Variants in TMEM232 observed in about 807,000 individuals in gnomAD.
The protein encoded by TMEM232 is transmembrane protein 232.
In TMEM232, 80 loss-of-function variants were observed where a neutral mutation model predicts 78.8. The ratio of observed to expected loss-of-function variants is 1.01; its 90% confidence interval spans 0.85 to 1.22. TMEM232 has a LOEUF of 1.22. Among genes scored for constraint, TMEM232 ranks in the 50% most tolerant of loss-of-function variants. The pLI, the probability that TMEM232 is intolerant of heterozygous loss-of-function variation, is 0.00. For missense variants in TMEM232, 881 were observed against 742.2 expected (o/e 1.19, Z -2.17); for synonymous variants, 297 against 254.3 (o/e 1.17, Z -1.60).
chr5:110,490,971 A>T (rs1248725457), intron 12 of TMEM232, among the ~76,000 whole-genome samples: 1 of 152,126 alleles, frequency 6.6e-6, no homozygotes, highest in Non-Finnish European at 1.5e-5. Context: ...ACACAAAATA[A>T]ATAAATTTCA....
intron 1 of TMEM232, among the ~76,000 whole-genome samples, chr5:110,687,600 T>A (rs908181919): frequency 1.1e-4 from 17 of 152,130 alleles, no homozygotes; most frequent in Non-Finnish European, 2.2e-4. Context: ...AAGGTTTGAG[T>A]ATATGCTTTA....
rs374219408 is a variant in TMEM232, at chr5:110,520,050, T to TATATAGAGAGAG, written c.1703+8537_1703+8538insCTCTCTCTATAT. Among the ~76,000 whole-genome samples the TATATAGAGAGAG allele has an allele frequency of 1.2e-3, 176 of 147,260 alleles. 1 individual carries two copies. Among genetic ancestry groups the TATATAGAGAGAG allele is most frequent in the African/African-American group, 3.7e-3 (148 of 39,892 alleles). On this transcript the variant is annotated intron_variant, in intron 12 of 13. Transcript: ENST00000455884. ...TTATATATTTATGTATATATATATATAGAGAGAGAGAGAGAGAGGATTAGG... is the reference window on the plus strand; with the variant it reads ...TTATATATTTATGTATATATATATATATATAGAGAGAGAGAGAGAGAGAGAGAGAGGATTAGG...
intron 12 of TMEM232, among the ~76,000 whole-genome samples, chr5:110,478,223 G>C (rs1010562385): frequency 6.6e-6 from 1 of 151,876 alleles, no homozygotes; most frequent in South Asian, 2.1e-4. Flanking sequence ...TATATACTAT[G>C]TAAATCAATC....
chr5:110,618,386 G>T (rs776528569), intron 8 of TMEM232, 43 bp downstream of exon 8: 3 of 1,543,556 alleles, frequency 1.9e-6, no homozygotes, highest in Non-Finnish European at 2.6e-6. Context: ...TAAGCACAAA[G>T]ATTTCTCCAT....
chr5:110,689,442 C>T (rs1023620228), intron 1 of TMEM232, among the ~76,000 whole-genome samples: 1 of 151,956 alleles, frequency 6.6e-6, no homozygotes, highest in Non-Finnish European at 1.5e-5. Flanking sequence ...CTGTAATCAA[C>T]ACAAAACACT....
chr5:110,692,452 T>C (rs1794242991), intron 1 of TMEM232, among the ~76,000 whole-genome samples: 1 of 152,044 alleles, frequency 6.6e-6, no homozygotes, highest in Non-Finnish European at 1.5e-5. Flanking sequence ...GGACAGTGGG[T>C]GCAGGAGAGT....
At chr5:110,461,898 G>A (rs1003831510) in intron 12 of TMEM232, among the ~76,000 whole-genome samples, 8 of 152,100 alleles carry the variant, frequency 5.3e-5, no homozygotes, top group East Asian at 1.9e-4. Flanking sequence ...AAAAAAAAAT[G>A]TATTTCAAAA....
intron 1 of TMEM232, among the ~76,000 whole-genome samples, chr5:110,719,215 A>G (rs1032324806): frequency 2.0e-5 from 3 of 151,854 alleles, no homozygotes; most frequent in Admixed American, 6.6e-5. Flanking sequence ...ATGTGTATAT[A>G]TGTATATATG....
At position 110,514,740 on chromosome 5, in the gene TMEM232, C is replaced by T. The variant is rs140209695; in HGVS notation, c.1703+13848G>A. On this transcript the variant is annotated intron_variant, in intron 12 of 13. Coordinates refer to ENST00000455884, the MANE Select transcript of TMEM232 (RefSeq NM_001039763.4). ...ATTTTACTTAGGCATCCTAGGGGCA[C>T]GGTCAAGCCCAGACAATATTAAGTT... Among the ~76,000 whole-genome samples, 25 of 151,138 alleles carry T rather than the reference C, an allele frequency of 1.7e-4. No individual in the cohort carries two copies. The East Asian group carries it at 3.1e-3, about 19-fold the overall frequency.
chr5:110,587,715 G>A (rs1779023358), intron 10 of TMEM232, among the ~76,000 whole-genome samples: 1 of 141,978 alleles, frequency 7.0e-6, no homozygotes, highest in Non-Finnish European at 1.5e-5. Context: ...GTGTGTGTGT[G>A]TGTGTGTGTG....
chr5:110,455,808 A>C (rs57353550), intron 12 of TMEM232, among the ~76,000 whole-genome samples: 2 of 152,198 alleles, frequency 1.3e-5, no homozygotes, highest in African/African-American at 4.8e-5. Context: ...ACATTGAAAA[A>C]ATCAATCATA....
At position 110,401,992 on chromosome 5, in the gene TMEM232, C is replaced by T. The variant is rs112272675; in HGVS notation, n.309-4138G>A. 9.5e-3 allele frequency among the ~76,000 whole-genome samples: 1,448 copies of T among 152,112 alleles called. 10 individuals are homozygous for T. Among genetic ancestry groups the T allele is most frequent in the Non-Finnish European group, 0.014 (972 of 67,960 alleles). ...GTTTCAGTTGTTACCTGTCATTGCA[C>T]TGGCACTGGTGTTTTCCTTAGTGGA... On this transcript the variant is annotated intron_variant and non_coding_transcript_variant, in intron 2 of 8. Coordinates refer to the TMEM232 transcript ENST00000507188.
intron 1 of TMEM232, among the ~76,000 whole-genome samples, chr5:110,700,766 GTAGGTAGA>G (rs1158998252): frequency 2.4e-5 from 3 of 126,074 alleles, no homozygotes; most frequent in Non-Finnish European, 5.2e-5. Context: ...AGGTAGGTAG[GTAGGTAGA>G]TAGATAGATA....
chr5:110,477,576 C>A (rs1003411995), intron 12 of TMEM232, among the ~76,000 whole-genome samples: 2 of 151,500 alleles, frequency 1.3e-5, no homozygotes, highest in Admixed American at 1.3e-4. Context: ...TCAATCACAC[C>A]GTCCTTTCAT....
chr5:110,667,024 T>C (rs567766822), intron 2 of TMEM232, among the ~76,000 whole-genome samples: 33 of 152,226 alleles, frequency 2.2e-4, no homozygotes, highest in South Asian at 2.1e-4. Flanking sequence ...CATATGAGTA[T>C]AGATAATTAT....
chr5:110,555,894 C>A (rs762966617), intron 11 of TMEM232, among the ~76,000 whole-genome samples: 1 of 152,108 alleles, frequency 6.6e-6, no homozygotes, highest in African/African-American at 2.4e-5. Flanking sequence ...TATCCTTGCA[C>A]GTGAGATCGG....
intron 2 of TMEM232, among the ~76,000 whole-genome samples, chr5:110,414,055 T>C (rs1580580239): frequency 6.6e-6 from 1 of 152,182 alleles, no homozygotes; most frequent in Non-Finnish European, 1.5e-5. Flanking sequence ...GCATGAATCA[T>C]TACTCTATCA....
rs181358432 is a variant in TMEM232 at position 110,629,744 on chromosome 5, G to C, written c.502-1864C>G. The stretch of plus-strand genomic sequence containing the variant: ...GTATTTTAATAGTTATATGTTTTTG[G>C]TTCTTGCATAGAATCTTGACGATCA... On this transcript the variant is annotated intron_variant, in intron 5 of 13. Coordinates refer to ENST00000455884, the MANE Select transcript of TMEM232 (RefSeq NM_001039763.4). 4.5e-4 allele frequency among the ~76,000 whole-genome samples: 68 copies of C among 151,846 alleles called. 1 individual carries two copies. The highest frequency in any genetic ancestry group is 1.6e-3 in the African/African-American group (66 of 41,406).
At chr5:110,461,010 T>C (rs61457584) in intron 12 of TMEM232, among the ~76,000 whole-genome samples, 2,926 of 152,166 alleles carry the variant, frequency 0.019, 86 homozygotes, top group African/African-American at 0.068. Flanking sequence ...GGCATAACGA[T>C]ATTTAAATTA....
Sources: gnomAD v4.1 joint callset for allele counts (sites outside exome capture counted in the v4.1 genomes callset) on GRCh38, gnomAD v4.1.1 for gene constraint, MANE v1.5 for transcripts, NCBI Gene and HGNC (gene_info 2026-07-23, HGNC 2026-07-21) for gene names.